CPA4: variants seen among roughly 807,000 people sequenced by gnomAD.
CPA4 encodes carboxypeptidase A3.
In CPA4, 49 loss-of-function variants were observed where a neutral mutation model predicts 54.7. That is an observed-to-expected ratio of 0.90 (90% CI 0.71 to 1.14). The LOEUF (loss-of-function observed/expected upper bound fraction) is 1.14, where lower values mean the gene tolerates loss of function less well. Among genes scored for constraint, CPA4 ranks in the 50% most tolerant of loss-of-function variants. The probability of loss-of-function intolerance (pLI) is 0.00; values close to 1 mark genes in which losing one functional copy is unlikely to be tolerated. For synonymous variants in CPA4, 215 were observed against 206.8 expected, an observed-to-expected ratio of 1.04 and a Z score of -0.34; for missense variants, 487 against 525.1, an observed-to-expected ratio of 0.93 and a Z score of 0.71.
Position 130,305,753 on chromosome 7 carries a change from AGAG to A in CPA4, c.487-59_487-57del, listed in dbSNP as rs770293902. ...TTAAATGAATGGGAGAGAGCTGGAG[AGAG>A]GAGAAGTGAGCAGAGATGCGGGCAG... On this transcript the variant is annotated intron_variant, in intron 5 of 10. Transcript: ENST00000222482. The A allele has an allele frequency of 3.3e-4, 369 of 1,133,018 alleles. 3 individuals carry two copies. Among genetic ancestry groups the A allele is most frequent in the Admixed American group, 1.5e-4 (9 of 59,280 alleles). 70.2% of individuals were successfully genotyped at this position (1,133,018 alleles called of 1,614,324 possible).
At chr7:130,312,005 T>C (rs762399844) in intron 9 of CPA4, 33 bp from the exon 10 acceptor site, 25 of 1,563,636 alleles carry the variant, frequency 1.6e-5, no homozygotes, top group Non-Finnish European at 2.0e-5. Context: ...TCAGGATCGA[T>C]TTTTTCTCAC....
In CPA4 at chr7:130,296,679, C is replaced by CTTTTTTTTTT. The variant is rs369325885; in HGVS notation, c.69-2051_69-2042dup. Reference sequence around the variant, plus strand: ...AAGATCTTTCTAGCAGCTCCCCTCACTTTTTTTTTTTTTTTTTTTTTTTTT... The same window carrying CTTTTTTTTTT: ...AAGATCTTTCTAGCAGCTCCCCTCACTTTTTTTTTTTTTTTTTTTTTTTTTTTTTTTTTTT... On this transcript the variant is annotated intron_variant, in intron 1 of 10. Transcript: ENST00000222482. Among the ~76,000 whole-genome samples the CTTTTTTTTTT allele has an allele frequency of 5.5e-4, 40 of 73,006 alleles. 2 individuals are homozygous for CTTTTTTTTTT. Among genetic ancestry groups the CTTTTTTTTTT allele is most frequent in the Non-Finnish European group, 8.2e-4 (34 of 41,638 alleles). The allele number at this position is 73,006 out of a possible 152,430, so 47.9% of individuals were successfully genotyped here.
At chr7:130,314,530 G>A (rs750301845) in intron 10 of CPA4, among the ~76,000 whole-genome samples, 9 of 152,224 alleles carry the variant, frequency 5.9e-5, no homozygotes, top group Non-Finnish European at 8.8e-5. Flanking sequence ...GGAAGACAGC[G>A]ATAAGCACAT....
intron 1 of CPA4, among the ~76,000 whole-genome samples, chr7:130,298,022 AG>A (rs1214831135): frequency 2.0e-5 from 3 of 152,158 alleles, no homozygotes; most frequent in Non-Finnish European, 2.9e-5. Flanking sequence ...GTGTCCTTTA[AG>A]GGTCCCCTCT....
intron 10 of CPA4, 131 bp from the exon 11 acceptor site, chr7:130,322,358 A>G: frequency 1.4e-6 from 1 of 695,270 alleles, no homozygotes; most frequent in Non-Finnish European, 2.5e-6. Flanking sequence ...TGATTTTGTC[A>G]TAGGACTGAT....
intron 10 of CPA4, among the ~76,000 whole-genome samples, chr7:130,315,357 T>C (rs917881355): frequency 1.3e-5 from 2 of 152,082 alleles, no homozygotes; most frequent in African/African-American, 2.4e-5. Context: ...TGGGAGTGCC[T>C]GAATTTTTAG....
chr7:130,298,290 C>A (rs908372261), intron 1 of CPA4, among the ~76,000 whole-genome samples: 2 of 152,214 alleles, frequency 1.3e-5, no homozygotes, highest in African/African-American at 2.4e-5. Flanking sequence ...CTTGAGTTAG[C>A]TTTGCGTGTA....
intron 10 of CPA4, among the ~76,000 whole-genome samples, chr7:130,321,590 A>G (rs1190909889): frequency 3.9e-5 from 6 of 152,188 alleles, no homozygotes; most frequent in Admixed American, 3.9e-4. Flanking sequence ...TGGGTAATTT[A>G]TAAAGAAAAA....
At chr7:130,301,546 C>T (rs1793738062) in intron 4 of CPA4, among the ~76,000 whole-genome samples, 1 of 152,148 alleles carries the variant, frequency 6.6e-6, no homozygotes, top group Non-Finnish European at 1.5e-5. Flanking sequence ...TCTTACACCC[C>T]TCAGTGTCTC....
rs939235516 is a variant in CPA4 at position 130,310,266 on chromosome 7, G to A, written c.794-521G>A. Among the ~76,000 whole-genome samples the A allele has an allele frequency of 2.0e-5, 3 of 152,050 alleles. No homozygotes were observed. Among genetic ancestry groups the A allele is most frequent in the Admixed American group, 6.5e-5 (1 of 15,278 alleles). Reference sequence around the variant, plus strand: ...CACACGCACACACACACGTATGCACGTGTGCACACACACACCCTAGAAACC... The same window carrying A: ...CACACGCACACACACACGTATGCACATGTGCACACACACACCCTAGAAACC... On this transcript the variant is annotated intron_variant, in intron 8 of 10. Transcript: ENST00000222482. The surrounding 1 kb of genome is among the most constrained non-coding windows in gnomAD (Gnocchi z 4.3).
chr7:130,305,824 T>G lies in CPA4; in HGVS notation c.495T>G (p.Thr165=). 2 of 1,614,070 alleles carry G rather than the reference T, an allele frequency of 1.2e-6. No homozygotes were observed. The highest frequency in any genetic ancestry group is 1.6e-4 in the Middle Eastern group (1 of 6,062). ...TTTTCTCCCTTCTGCAGTTCAGCACTGGGAAAGGCGTGAGGCGGCCGGCCG... is the reference window on the plus strand; with the variant it reads ...TTTTCTCCCTTCTGCAGTTCAGCACGGGGAAAGGCGTGAGGCGGCCGGCCG... ...NRPMYVLKFS[T]GKGVRRPAVW... The change falls in exon 6 of 11, where the codon ACT becomes ACG. Residue 165 remains threonine, a synonymous_variant. Transcript: ENST00000222482.
intron 5 of CPA4, among the ~76,000 whole-genome samples, chr7:130,305,597 G>A (rs1440982594): frequency 1.3e-5 from 2 of 152,166 alleles, no homozygotes; most frequent in Non-Finnish European, 2.9e-5. Flanking sequence ...TCCTAATGCT[G>A]GAGAGGTTCA....
At chr7:130,313,602 A>G (rs561728348) in intron 10 of CPA4, among the ~76,000 whole-genome samples, 4 of 148,090 alleles carry the variant, frequency 2.7e-5, no homozygotes, top group Middle Eastern at 6.9e-3. Context: ...AGTATGTTAA[A>G]GACGTGGCCA....
chr7:130,319,127 T>G (rs1412640997), intron 10 of CPA4, among the ~76,000 whole-genome samples: 2 of 152,190 alleles, frequency 1.3e-5, no homozygotes, highest in South Asian at 2.1e-4. Context: ...TGTGTCTCCT[T>G]TCTCCTGCCA....
intron 9 of CPA4, 57 bp downstream of exon 9, chr7:130,311,043 C>A: frequency 2.2e-6 from 3 of 1,380,514 alleles, no homozygotes; most frequent in Non-Finnish European, 3.1e-6. Context: ...CCTGGCGCTG[C>A]TAAGGTGGTA....
At chr7:130,298,647 G>A (rs1793690637) in intron 1 of CPA4, 99 bp from the exon 2 acceptor site, 1 of 719,284 alleles carries the variant, frequency 1.4e-6, no homozygotes, top group Non-Finnish European at 2.5e-6. Context: ...CCTTTCTTTT[G>A]GCCTGGTTAC....
intron 10 of CPA4, 116 bp from the exon 11 acceptor site, chr7:130,322,373 T>G (rs1313065850): frequency 5.1e-6 from 4 of 787,414 alleles, no homozygotes; most frequent in Non-Finnish European, 8.4e-6. Context: ...ACTGATGACT[T>G]GAGGAGCAAA....
chr7:130,308,350 C>G lies in CPA4; in HGVS notation c.746C>G (p.Ser249Cys), dbSNP rs764150565. ...ACGCGGTCCCGAAATCCTGGAAGCT[C>G]CTGCATTGGTGCTGACCCAAATAGA... ...RKTRSRNPGSSCIGADPNRNW... is the reference protein window; with the variant it reads ...RKTRSRNPGSCCIGADPNRNW... Residue 249 changes from serine to cysteine, a missense_variant, in exon 8 of 11, where the codon TCC becomes TGC. Transcript: ENST00000222482. The G allele has an allele frequency of 2.0e-5, 32 of 1,614,050 alleles. No individual in the cohort carries two copies. Among genetic ancestry groups the G allele is most frequent in the Non-Finnish European group, 2.5e-5 (29 of 1,180,032 alleles).
intron 7 of CPA4, 75 bp downstream of exon 7, chr7:130,306,972 G>C: frequency 1.2e-6 from 1 of 841,492 alleles, no homozygotes; most frequent in South Asian, 1.4e-5. Context: ...TGATCTTGGA[G>C]AGAATTTCCA....
Sources: gnomAD v4.1 joint callset for allele counts (sites outside exome capture counted in the v4.1 genomes callset) on GRCh38, gnomAD v4.1.1 for gene constraint, Gnocchi (gnomAD v3.1) non-coding constraint, MANE v1.5 for transcripts, NCBI Gene and HGNC (gene_info 2026-07-23, HGNC 2026-07-21) for gene names.